Variants in AKAP7 observed in about 807,000 individuals in gnomAD.
AKAP7 encodes A-kinase anchoring protein 7, also known as A kinase (PRKA) anchor protein 7.
Under a neutral mutation model 39.5 loss-of-function variants are expected in AKAP7, and 39 were observed. The ratio of observed to expected loss-of-function variants is 0.99; its 90% confidence interval spans 0.76 to 1.29. The LOEUF (loss-of-function observed/expected upper bound fraction) is 1.29. AKAP7 is among the 50% of genes most tolerant of loss of function. AKAP7 has a pLI of 0.00. For missense variants in AKAP7, 414 were observed against 407.7 expected (o/e 1.02, Z -0.13); for synonymous variants, 140 against 139.1 (o/e 1.01, Z -0.05).
chr6:131,198,934 C>T (rs998039840), intron 5 of AKAP7, among the ~76,000 whole-genome samples: 1 of 152,142 alleles, frequency 6.6e-6, no homozygotes, highest in Non-Finnish European at 1.5e-5. Context: ...AGCTCCTTTG[C>T]CTCAATCCAG....
At chr6:131,241,627 G>GTATATATATATATATA (rs60816569) in intron 7 of AKAP7, among the ~76,000 whole-genome samples, 2 of 86,638 alleles carry the variant, frequency 2.3e-5, no homozygotes, top group Non-Finnish European at 4.6e-5. Context: ...GTGTGTGTGT[G>GTATATATATATATATA]TATATATATA....
intron 7 of AKAP7, among the ~76,000 whole-genome samples, chr6:131,261,534 G>T (rs1168508034): frequency 2.0e-5 from 3 of 152,064 alleles, no homozygotes; most frequent in Non-Finnish European, 2.9e-5. Flanking sequence ...TCATTGAGAT[G>T]CTATTATATA....
intron 7 of AKAP7, among the ~76,000 whole-genome samples, chr6:131,230,819 A>G (rs1212300534): frequency 6.6e-6 from 1 of 152,226 alleles, no homozygotes; most frequent in Non-Finnish European, 1.5e-5. Flanking sequence ...AAGATTCTAC[A>G]TTGCAACTAA....
intron 7 of AKAP7, among the ~76,000 whole-genome samples, chr6:131,266,498 A>G (rs1196387215): frequency 6.6e-6 from 1 of 152,244 alleles, no homozygotes; most frequent in Non-Finnish European, 1.5e-5. Context: ...AAGAACCTTA[A>G]TAAACAGTAT....
intron 5 of AKAP7, among the ~76,000 whole-genome samples, chr6:131,180,348 T>C (rs1006313334): frequency 6.6e-6 from 1 of 152,318 alleles, no homozygotes; most frequent in African/African-American, 2.4e-5. Flanking sequence ...ACCCTTTGTC[T>C]TTATTACCTC....
chr6:131,134,295 T>C (rs1187830648), upstream of AKAP7, among the ~76,000 whole-genome samples: 3 of 152,122 alleles, frequency 2.0e-5, no homozygotes, highest in Admixed American at 2.0e-4. Context: ...AAAATAAAAA[T>C]TTATGTCACC....
intron 2 of AKAP7, among the ~76,000 whole-genome samples, chr6:131,158,141 G>C (rs1018789710): frequency 7.2e-5 from 11 of 152,144 alleles, no homozygotes; most frequent in Non-Finnish European, 2.9e-5. Context: ...AATTATTTTT[G>C]CTCTGTGGTT....
At chr6:131,188,759 C>A (rs1159783370) in intron 5 of AKAP7, among the ~76,000 whole-genome samples, 1 of 149,086 alleles carries the variant, frequency 6.7e-6, no homozygotes, top group Non-Finnish European at 1.5e-5. Flanking sequence ...CACCATGTTG[C>A]CCAGGCTGGT....
intron 1 of AKAP7, among the ~76,000 whole-genome samples, chr6:131,136,121 G>C (rs1694019653): frequency 6.6e-6 from 1 of 152,218 alleles, no homozygotes; most frequent in South Asian, 2.1e-4. Flanking sequence ...CGACGGTGTT[G>C]ATGTGGGTAA....
intron 6 of AKAP7, among the ~76,000 whole-genome samples, chr6:131,207,598 G>A (rs951024961): frequency 2.7e-5 from 4 of 146,472 alleles, no homozygotes; most frequent in Non-Finnish European, 4.5e-5. Context: ...GCCTCCCATA[G>A]TGTTGGGATT....
At chr6:131,130,391 G>C in the AKAP7 span, among the ~76,000 whole-genome samples, 1 of 152,192 alleles carries the variant, frequency 6.6e-6, no homozygotes, top group Non-Finnish European at 1.5e-5. Context: ...TCTGCCTCCT[G>C]AGTTCGAGCG....
rs1272134327 is a variant in AKAP7, at chr6:131,282,472, A to C, written c.*746A>C. ...GAGAAACGATGGGTCTGAAGTCCAA[A>C]GTGAAACAGATAAAGGAACTTTTAT... is the stretch of plus-strand genomic sequence containing the variant. On this transcript the variant is annotated 3_prime_UTR_variant, in exon 8 of 8. Coordinates refer to ENST00000431975, the MANE Select transcript of AKAP7 (RefSeq NM_016377.4). 6 of 1,535,690 alleles carry C rather than the reference A, an allele frequency of 3.9e-6. No homozygotes were observed. Among genetic ancestry groups the C allele is most frequent in the Non-Finnish European group, 4.4e-6 (5 of 1,146,730 alleles).
chr6:131,212,666 T>A (rs1376144927), intron 6 of AKAP7, among the ~76,000 whole-genome samples: 2 of 152,124 alleles, frequency 1.3e-5, no homozygotes, highest in African/African-American at 4.8e-5. Context: ...CTTTTCTAAG[T>A]AGTATGCAGG....
chr6:131,132,169 C>T (rs1222323583), upstream of AKAP7, among the ~76,000 whole-genome samples: 2 of 151,978 alleles, frequency 1.3e-5, no homozygotes, highest in Non-Finnish European at 2.9e-5. Flanking sequence ...AAAAATTAGC[C>T]GGGCGTGGTG....
At chr6:131,159,229 G>A (rs990370661) in intron 2 of AKAP7, among the ~76,000 whole-genome samples, 1 of 152,126 alleles carries the variant, frequency 6.6e-6, no homozygotes, top group African/African-American at 2.4e-5. Context: ...GAGGAGCTGG[G>A]ACTACAGGTG....
At chr6:131,210,889 AC>A (rs1265777852) in intron 6 of AKAP7, among the ~76,000 whole-genome samples, 4 of 152,078 alleles carry the variant, frequency 2.6e-5, no homozygotes, top group African/African-American at 9.7e-5. Context: ...ACCCTCCCTG[AC>A]CTACCCTGAC....
intron 7 of AKAP7, among the ~76,000 whole-genome samples, chr6:131,237,407 A>G (rs1410879745): frequency 2.0e-5 from 3 of 152,002 alleles, no homozygotes; most frequent in African/African-American, 4.8e-5. Context: ...GTATCAGGAT[A>G]ATGCTGGCCT....
intron 1 of AKAP7, among the ~76,000 whole-genome samples, chr6:131,136,518 G>A (rs1800556295): frequency 6.6e-6 from 1 of 152,210 alleles, no homozygotes; most frequent in Admixed American, 6.5e-5. Flanking sequence ...AATGATGACA[G>A]TGAGTTTTTG....
At chr6:131,210,640 GC>G (rs1808559026) in intron 6 of AKAP7, among the ~76,000 whole-genome samples, 1 of 152,176 alleles carries the variant, frequency 6.6e-6, no homozygotes, top group Non-Finnish European at 1.5e-5. Flanking sequence ...CTTCCCCACA[GC>G]TGGATCTAAT....
Sources: allele counts gnomAD v4.1 joint callset (sites outside exome capture counted in the v4.1 genomes callset), GRCh38; gene constraint gnomAD v4.1.1; transcripts MANE v1.5; gene names NCBI Gene and HGNC (gene_info 2026-07-23, HGNC 2026-07-21).